ZFYVE26: variants seen among roughly 807,000 people sequenced by gnomAD.
The protein encoded by ZFYVE26 is zinc finger FYVE-type containing 26.
ZFYVE26 carries 181 observed loss-of-function variants against 276.5 expected under a neutral mutation model. The ratio of observed to expected loss-of-function variants is 0.65; its 90% CI spans 0.58 to 0.74. ZFYVE26 has a LOEUF of 0.74. ZFYVE26 is among the 30% of genes least tolerant of loss of function. ZFYVE26 has a pLI of 0.00. For missense variants in ZFYVE26, 2,821 were observed against 3,097.9 expected, an observed-to-expected ratio of 0.91 and a Z score of 2.12; for synonymous variants, 1,129 against 1,203.1, an observed-to-expected ratio of 0.94 and a Z score of 1.27.
chr14:67,800,375 C>T (rs1488177910), intron 10 of ZFYVE26, among the ~76,000 whole-genome samples: 1 of 152,138 alleles, frequency 6.6e-6, no homozygotes, highest in Non-Finnish European at 1.5e-5. Flanking sequence ...AGTTGGGCCA[C>T]TGAGCTTGTC....
rs1594904968 is a variant in ZFYVE26, at chr14:67,775,903, C to T, written c.5178G>A (p.Glu1726=). The T allele has an allele frequency of 5.0e-6, 8 of 1,614,236 alleles. No individual in the cohort carries two copies. In the Middle Eastern group the frequency reaches 5.0e-4, roughly 100 times the overall value. ...EVDSLLSRYA[E]KALDFPYPQR... The stretch of plus-strand genomic sequence containing the variant: ...GAGGGTATGGAAAGTCCAGGGCTTT[C>T]TCTGCGTATCTGGAAAGCAGTGAGT... The change falls in exon 26 of 42, where the codon GAG becomes GAA. Residue 1726 remains glutamate, a synonymous_variant. Transcript: ENST00000347230.
At chr14:67,811,639 T>C (rs1023201388) in intron 3 of ZFYVE26, among the ~76,000 whole-genome samples, 2 of 151,758 alleles carry the variant, frequency 1.3e-5, no homozygotes, top group Non-Finnish European at 1.5e-5. Flanking sequence ...ATATGTTATA[T>C]ATATATAAAA....
At chr14:67,803,007 A>G (rs2040108920) in intron 9 of ZFYVE26, among the ~76,000 whole-genome samples, 1 of 152,246 alleles carries the variant, frequency 6.6e-6, no homozygotes, top group Non-Finnish European at 1.5e-5. Flanking sequence ...TATATGCATC[A>G]ACACATCACT....
At chr14:67,783,653 A>T (rs1036467001) in intron 20 of ZFYVE26, 128 bp from the exon 21 acceptor site, 2 of 1,244,660 alleles carry the variant, frequency 1.6e-6, no homozygotes, top group Non-Finnish European at 2.3e-6. Context: ...CTCTTTTTTT[A>T]AAACACAAAA....
At chr14:67,785,322 G>T in intron 18 of ZFYVE26, 45 bp from the exon 19 acceptor site, 1 of 1,533,528 alleles carries the variant, frequency 6.5e-7, no homozygotes. Context: ...TTCAGTCTGT[G>T]AGTCCAGCTT....
At chr14:67,809,428 T>TA (rs2040251530) in intron 3 of ZFYVE26, 139 bp from the exon 4 acceptor site, 4 of 668,412 alleles carry the variant, frequency 6.0e-6, no homozygotes, top group Non-Finnish European at 9.7e-6. Flanking sequence ...TTTTTTTTTT[T>TA]TTTTTTTATT....
intron 15 of ZFYVE26, among the ~76,000 whole-genome samples, chr14:67,790,188 C>G (rs2039772104): frequency 6.6e-6 from 1 of 152,134 alleles, no homozygotes. Flanking sequence ...ATTTTAATAC[C>G]CAACTGCACT....
chr14:67,757,461 C>T (rs1237597355), intron 35 of ZFYVE26, among the ~76,000 whole-genome samples: 2 of 152,190 alleles, frequency 1.3e-5, no homozygotes, highest in Non-Finnish European at 2.9e-5. Flanking sequence ...ATGATTTGCT[C>T]CTCGTGTTCT....
chr14:67,805,468 G>A lies in ZFYVE26; in HGVS notation c.1168C>T (p.Leu390=). Residue 390 remains leucine (L), a synonymous_variant, in exon 7 of 42, where the codon CTG becomes TTG. Transcript: ENST00000347230. The part of the protein sequence containing the change: ...LESAKRLLQT[L]HRTQGPGCDE... ...GTGAGAGTTACCTGGGTCCTGTGCAGGGTCTGGAGCAGCCTCTTGGCTGAC... is the reference window on the plus strand; with the variant it reads ...GTGAGAGTTACCTGGGTCCTGTGCAAGGTCTGGAGCAGCCTCTTGGCTGAC... 1.2e-6 allele frequency: 2 copies of A among 1,614,222 alleles called. No individual in the cohort carries two copies. The highest frequency in any genetic ancestry group is 1.7e-6 in the Non-Finnish European group (2 of 1,180,044).
chr14:67,812,139 A>G (rs1364057987), intron 3 of ZFYVE26, among the ~76,000 whole-genome samples: 1 of 152,066 alleles, frequency 6.6e-6, no homozygotes. Context: ...ACTCTATGTT[A>G]GTGAAAACTC....
chr14:67,803,409 T>C (rs550060494), intron 9 of ZFYVE26, among the ~76,000 whole-genome samples: 11 of 152,206 alleles, frequency 7.2e-5, no homozygotes, highest in Non-Finnish European at 1.6e-4. Flanking sequence ...TGGCACCATC[T>C]TGGCTGACTG....
intron 13 of ZFYVE26, chr14:67,733,900 G>A (rs781248025): frequency 4.3e-6 from 6 of 1,393,656 alleles, no homozygotes; most frequent in Middle Eastern, 1.8e-4. Flanking sequence ...ATAATGAACA[G>A]GGACCAAGGA....
downstream of ZFYVE26, among the ~76,000 whole-genome samples, chr14:67,746,062 G>A (rs1293920619): frequency 6.6e-6 from 1 of 151,252 alleles, no homozygotes; most frequent in Non-Finnish European, 1.5e-5. Flanking sequence ...ATAATCTGTA[G>A]TGGCGAAAGA....
intron 6 of ZFYVE26, among the ~76,000 whole-genome samples, chr14:67,806,308 T>C (rs2040179535): frequency 6.6e-6 from 1 of 152,228 alleles, no homozygotes; most frequent in Non-Finnish European, 1.5e-5. Flanking sequence ...CACATACATA[T>C]ACAACATTTT....
Position 67,816,028 on chromosome 14 carries a change from CTCAT to C in ZFYVE26, c.-69_-66del. 7.2e-7 allele frequency: 1 copy of C among 1,384,076 alleles called. No individual in the cohort carries two copies. Among genetic ancestry groups the C allele is most frequent in the South Asian group, 1.3e-5 (1 of 79,174 alleles). The allele number at this position is 1,384,076 out of a possible 1,614,324, so 85.7% of individuals were successfully genotyped here. A position where few individuals can be genotyped will look rare whatever the true frequency, so the allele number is the denominator to read the frequency against. Reference sequence around the variant, plus strand: ...TTATGCCGAACACATTCTCAATGTTCTCATTCGCGGAGTACCTCCTAGAAACAAC... The same window carrying C: ...TTATGCCGAACACATTCTCAATGTTCTCGCGGAGTACCTCCTAGAAACAAC... On this transcript the variant is annotated 5_prime_UTR_variant, in exon 2 of 42. It removes an upstream start codon present in the reference 5' UTR. Transcript: ENST00000347230.
In ZFYVE26 at chr14:67,809,286, A is replaced by T. The variant is rs780727370; in HGVS notation, c.277T>A (p.Leu93Ile). Residue 93 changes from leucine to isoleucine, a missense_variant, in exon 4 of 42, where the codon TTA (leucine) becomes ATA (isoleucine). By Grantham distance (5) the Leu-to-Ile change is conservative. Transcript: ENST00000347230. ...LEKWLAREKK[L>I]LPVVFRRKLE... ...TTTCTCCGGAAAACAACTGGGAGTAACTTCTAGAAGAATCAAAAGAATGAA... is the reference window on the plus strand; with the variant it reads ...TTTCTCCGGAAAACAACTGGGAGTATCTTCTAGAAGAATCAAAAGAATGAA... 2 of 1,612,114 alleles carry T rather than the reference A, an allele frequency of 1.2e-6. No homozygotes were observed. Among genetic ancestry groups the T allele is most frequent in the East Asian group, 4.5e-5 (2 of 44,880 alleles).
Position 67,798,267 on chromosome 14 carries a change from A to C in ZFYVE26, c.1995T>G (p.Phe665Leu), listed in dbSNP as rs1213125842. 6.2e-7 allele frequency: 1 copy of C among 1,614,174 alleles called. No homozygotes were observed. The highest frequency in any genetic ancestry group is 1.7e-5 in the Admixed American group (1 of 60,022). Reference sequence around the variant, plus strand: ...CACTAGTAAAGTGTTTTAAGTCCAAAAAGCTGTGCCTATGAGGCCCTGGGT... The same window carrying C: ...CACTAGTAAAGTGTTTTAAGTCCAACAAGCTGTGCCTATGAGGCCCTGGGT... ...DSYPGPHRHS[F>L]LDLKHFTSGI... is the part of the protein sequence containing the mutation. The change falls in exon 11 of 42, where the codon TTT (phenylalanine) becomes TTG (leucine). Residue 665 changes from phenylalanine to leucine, a missense_variant. Physicochemically the swap from Phe to Leu is conservative, Grantham distance 22 (BLOSUM62 0). Transcript: ENST00000347230.
At position 67,746,920 on chromosome 14, in the gene ZFYVE26, T is replaced by C. The variant is rs2038499870; in HGVS notation, c.*1516A>G. The stretch of plus-strand genomic sequence containing the variant: ...AATGGGTCTAGTAGTTTCATTACAG[T>C]CTTTCTCCTCTCTAACAGGACCAAA... On this transcript the variant is annotated 3_prime_UTR_variant, in exon 42 of 42. Coordinates refer to ENST00000347230, the MANE Select transcript of ZFYVE26 (RefSeq NM_015346.4). 6.6e-6 allele frequency: 1 copy of C among 152,642 alleles called. No individual in the cohort carries two copies. The highest frequency in any genetic ancestry group is 6.5e-5 in the Admixed American group (1 of 15,274). The allele number at this position is 152,642 out of a possible 1,614,324, so 9.5% of individuals were successfully genotyped here. A position where few individuals can be genotyped will look rare whatever the true frequency, so the allele number is the denominator to read the frequency against.
intron 3 of ZFYVE26, among the ~76,000 whole-genome samples, chr14:67,811,407 A>AT (rs1156680528): frequency 2.0e-5 from 3 of 152,216 alleles, no homozygotes; most frequent in Admixed American, 2.0e-4. Context: ...AGGAGCAAAA[A>AT]TTTAAAAAAC....
Sources: allele counts gnomAD v4.1 joint callset (sites outside exome capture counted in the v4.1 genomes callset), GRCh38; gene constraint gnomAD v4.1.1; transcripts MANE v1.5; gene names NCBI Gene and HGNC (gene_info 2026-07-23, HGNC 2026-07-21).